The following HS1BP3 variants were observed in gnomAD, a reference collection of about 807,000 sequenced individuals.
The protein encoded by HS1BP3 is HCLS1 binding protein 3.
Under a neutral mutation model 33.5 loss-of-function variants are expected in HS1BP3, and 32 were observed. The ratio of observed to expected loss-of-function variants is 0.95; its 90% confidence interval spans 0.72 to 1.28. The LOEUF (loss-of-function observed/expected upper bound fraction) is 1.28. HS1BP3 is among the 50% of genes most tolerant of loss of function. HS1BP3 has a pLI of 0.00. For synonymous variants in HS1BP3, 187 were observed against 209.2 expected (o/e 0.89, Z 0.92); for missense variants, 486 against 502.3 (o/e 0.97, Z 0.31).
chr2:20,645,457 G>A lies in HS1BP3; in HGVS notation c.81C>T (p.His27=). The A allele has an allele frequency of 6.2e-7, 1 of 1,614,012 alleles. No individual in the cohort carries two copies. ...HTGLDLTVPQ[H]QEVRGKMMSG... ...ACATCATCTTGCCCCGTACCTCCTG[G>A]TGCTGGGGCACAGTCAGGTCGAGGC... Residue 27 remains histidine, a synonymous_variant, in exon 2 of 7, where the codon CAC becomes CAT. Coordinates refer to ENST00000304031, the MANE Select transcript of HS1BP3 (RefSeq NM_022460.4).
chr2:20,572,922 G>T (rs978382194), intron 5 of HS1BP3, among the ~76,000 whole-genome samples: 1 of 152,184 alleles, frequency 6.6e-6, no homozygotes, highest in Non-Finnish European at 1.5e-5. Context: ...CTTCCTGTCT[G>T]CCAGCATAGC....
At chr2:20,596,390 A>G (rs935343073) in intron 3 of HS1BP3, among the ~76,000 whole-genome samples, 2 of 152,242 alleles carry the variant, frequency 1.3e-5, no homozygotes, top group African/African-American at 2.4e-5. Flanking sequence ...GCCTTAGAGC[A>G]GGGATTAGGT....
intron 5 of HS1BP3, among the ~76,000 whole-genome samples, chr2:20,568,043 C>T (rs1403714689): frequency 6.6e-6 from 1 of 152,172 alleles, no homozygotes; most frequent in Non-Finnish European, 1.5e-5. Flanking sequence ...TCAGGACCAC[C>T]CCCACCACCC....
chr2:20,638,740 G>T, intron 3 of HS1BP3, 88 bp from the exon 4 acceptor site: 1 of 1,052,946 alleles, frequency 9.5e-7, no homozygotes, highest in Non-Finnish European at 1.4e-6. Context: ...CCCATGCCAG[G>T]ATCTGAGGCC....
At chr2:20,567,950 G>A (rs1693175503) in intron 5 of HS1BP3, among the ~76,000 whole-genome samples, 1 of 152,158 alleles carries the variant, frequency 6.6e-6, no homozygotes, top group African/African-American at 2.4e-5. Flanking sequence ...CTCTCTGGAG[G>A]TCATTTGAAC....
intron 5 of HS1BP3, among the ~76,000 whole-genome samples, chr2:20,563,843 G>A (rs959997863): frequency 6.6e-6 from 1 of 152,190 alleles, no homozygotes; most frequent in Non-Finnish European, 1.5e-5. Context: ...AGAGCTGGTT[G>A]GAAATGCAGA....
At chr2:20,575,763 C>G (rs1411896418) in intron 5 of HS1BP3, among the ~76,000 whole-genome samples, 2 of 1,764 alleles carry the variant, frequency 1.1e-3, no homozygotes, top group African/African-American at 1.2e-3. Context: ...TGGTTCCACC[C>G]CCCCCCCCCC....
At chr2:20,600,682 C>G (rs115820875) in intron 2 of HS1BP3, among the ~76,000 whole-genome samples, 1,709 of 152,208 alleles carry the variant, frequency 0.011, 22 homozygotes, top group Non-Finnish European at 0.015. Context: ...TGTAAATAAG[C>G]AACATTTTTG....
chr2:20,620,324 C>T (rs1694556764), intron 6 of HS1BP3, among the ~76,000 whole-genome samples: 1 of 152,248 alleles, frequency 6.6e-6, no homozygotes, highest in Non-Finnish European at 1.5e-5. Flanking sequence ...TGAGGATGAA[C>T]AGGACTTGGC....
intron 1 of HS1BP3, among the ~76,000 whole-genome samples, chr2:20,647,874 G>A (rs964527491): frequency 6.6e-5 from 10 of 152,104 alleles, no homozygotes; most frequent in South Asian, 4.1e-4. Context: ...TGCAGGCCCC[G>A]GGGTGTGCCC....
chr2:20,632,017 T>C (rs1006916641), intron 4 of HS1BP3, among the ~76,000 whole-genome samples: 6 of 152,202 alleles, frequency 3.9e-5, no homozygotes, highest in Non-Finnish European at 8.8e-5. Context: ...TTCCTAAATT[T>C]TTCCCCATTT....
intron 6 of HS1BP3, chr2:20,622,043 G>T: frequency 2.1e-6 from 1 of 474,502 alleles, no homozygotes; most frequent in African/African-American, 2.0e-5. Context: ...ATCTAGACTA[G>T]AGGCCCTGCC....
Position 20,619,254 on chromosome 2 carries a change from C to T in HS1BP3, c.921-9G>A. ...CCAAGTCCTCTTCAACTCTAGGGAACCACAGGGAGGAACCCTGAGCATAAC... is the reference window on the plus strand; with the variant it reads ...CCAAGTCCTCTTCAACTCTAGGGAATCACAGGGAGGAACCCTGAGCATAAC... On this transcript the variant is annotated splice_polypyrimidine_tract_variant and intron_variant, in intron 6 of 6. Transcript: ENST00000304031. 1 of 1,587,326 alleles carries T rather than the reference C, an allele frequency of 6.3e-7. No homozygotes were observed. Among genetic ancestry groups the T allele is most frequent in the Non-Finnish European group, 8.6e-7 (1 of 1,165,240 alleles).
At chr2:20,573,354 C>T (rs1162466546) in intron 5 of HS1BP3, among the ~76,000 whole-genome samples, 4 of 152,118 alleles carry the variant, frequency 2.6e-5, no homozygotes, top group African/African-American at 9.7e-5. Flanking sequence ...TGTGTTTAAA[C>T]CACCCTCTCC....
intron 4 of HS1BP3, among the ~76,000 whole-genome samples, chr2:20,633,389 GGAT>G (rs1268978281): frequency 6.6e-6 from 1 of 152,208 alleles, no homozygotes; most frequent in African/African-American, 2.4e-5. Flanking sequence ...CTGGGATTCT[GGAT>G]GATATTTCTC....
At chr2:20,628,700 G>A (rs1009003184) in intron 4 of HS1BP3, among the ~76,000 whole-genome samples, 15 of 152,088 alleles carry the variant, frequency 9.9e-5, no homozygotes, top group Non-Finnish European at 2.1e-4. Flanking sequence ...GCAGAGCACA[G>A]AGGACAGAGC....
intron 5 of HS1BP3, among the ~76,000 whole-genome samples, chr2:20,582,753 C>T (rs1342894228): frequency 3.3e-5 from 5 of 152,124 alleles, no homozygotes; most frequent in African/African-American, 7.2e-5. Flanking sequence ...ATGGGGCAGA[C>T]GTGACCTCAG....
chr2:20,599,730 GTTC>G, intron 2 of HS1BP3, among the ~76,000 whole-genome samples: 1 of 150,888 alleles, frequency 6.6e-6, no homozygotes, highest in African/African-American at 2.4e-5. Context: ...CTCCAAACAT[GTTC>G]TTCTTTGGAG....
At chr2:20,562,735 G>A (rs1693031231) in intron 5 of HS1BP3, among the ~76,000 whole-genome samples, 1 of 152,200 alleles carries the variant, frequency 6.6e-6, no homozygotes, top group South Asian at 2.1e-4. Context: ...GGGGGATAGT[G>A]TCAGAATTGA....
Sources: allele counts gnomAD v4.1 joint callset (sites outside exome capture counted in the v4.1 genomes callset), GRCh38; gene constraint gnomAD v4.1.1; transcripts MANE v1.5; gene names NCBI Gene and HGNC (gene_info 2026-07-23, HGNC 2026-07-21).